The following DENND4C variants were observed in gnomAD, a reference collection of about 807,000 sequenced individuals.
DENND4C encodes the protein DENN domain containing 4C.
A neutral mutation model predicts 203.0 loss-of-function variants in DENND4C; 108 were observed. That is an observed-to-expected ratio of 0.53 (90% CI 0.46 to 0.62). The LOEUF (loss-of-function observed/expected upper bound fraction) is 0.62, where lower values mean the gene tolerates loss of function less well. Among genes scored for constraint, DENND4C ranks in the 20% least tolerant of loss-of-function variants. The pLI is 0.00. For synonymous variants in DENND4C, 871 were observed against 792.4 expected (o/e 1.10, Z -1.67); for missense variants, 2,481 against 2,301.2 (o/e 1.08, Z -1.60).
chr9:19,271,811 T>G (rs4977293), intron 1 of DENND4C, among the ~76,000 whole-genome samples: 124,597 of 150,464 alleles, frequency 0.83, 51,750 homozygotes, highest in East Asian at 0.99. Context: ...GAAGGTTGCG[T>G]TGAGTTGAGA....
At chr9:19,265,684 A>G (rs914536679) in intron 1 of DENND4C, among the ~76,000 whole-genome samples, 3 of 152,014 alleles carry the variant, frequency 2.0e-5, no homozygotes, top group Non-Finnish European at 4.4e-5. Flanking sequence ...ATTCCCACCT[A>G]TAAGTGAGAA....
chr9:19,234,684 T>A (rs1426180700), intron 1 of DENND4C, among the ~76,000 whole-genome samples: 2 of 152,000 alleles, frequency 1.3e-5, no homozygotes, highest in African/African-American at 4.8e-5. Context: ...CGCGTGCATG[T>A]GCGTGCATCA....
chr9:19,357,167 A>G lies in DENND4C; in HGVS notation c.4964+13A>G, dbSNP rs1371578446. 2 of 1,613,506 alleles carry G rather than the reference A, an allele frequency of 1.2e-6. No homozygotes were observed. Among genetic ancestry groups the G allele is most frequent in the South Asian group, 1.1e-5 (1 of 91,044 alleles). ...CAGTTGAACCAAGGTATCAAAGGGT[A>G]CAGAGACCTCTTTATGTAGTAATAA... is the stretch of plus-strand genomic sequence containing the variant. On this transcript the variant is annotated intron_variant, in intron 27 of 32. Transcript: ENST00000434457.
At chr9:19,330,396 G>A (rs2131762476) in intron 16 of DENND4C, among the ~76,000 whole-genome samples, 1 of 140,486 alleles carries the variant, frequency 7.1e-6, no homozygotes, top group South Asian at 2.3e-4. Flanking sequence ...CTGGAGTGCA[G>A]TGGCACGATT....
intron 10 of DENND4C, among the ~76,000 whole-genome samples, chr9:19,307,931 A>C (rs1840018339): frequency 6.6e-6 from 1 of 151,984 alleles, no homozygotes; most frequent in African/African-American, 2.4e-5. Context: ...GGAGTTTATC[A>C]CATACATGTA....
intron 7 of DENND4C, among the ~76,000 whole-genome samples, chr9:19,298,606 A>G (rs1837927163): frequency 6.6e-6 from 1 of 152,270 alleles, no homozygotes; most frequent in Admixed American, 6.5e-5. Flanking sequence ...TATCCTCTCT[A>G]TAATAATAGT....
intron 22 of DENND4C, among the ~76,000 whole-genome samples, chr9:19,345,202 A>G (rs1030151570): frequency 6.6e-6 from 1 of 152,250 alleles, no homozygotes; most frequent in African/African-American, 2.4e-5. Context: ...GGTAGCCAAG[A>G]GTAAAAGACT....
chr9:19,265,209 G>A (rs578039058), intron 1 of DENND4C, among the ~76,000 whole-genome samples: 21 of 151,878 alleles, frequency 1.4e-4, no homozygotes, highest in African/African-American at 4.6e-4. Flanking sequence ...TAGAGTTGAG[G>A]TTCTACCATG....
rs867236103 is a variant in DENND4C, at chr9:19,311,567, A to C, written c.1488-4850A>C. On this transcript the variant is annotated intron_variant, in intron 10 of 32. Transcript: ENST00000434457. ...TATTCTATGTGAAAGAGTTCCTAGAAATTGTCAAAAGACCAATAACTCTAT... is the reference window on the plus strand; with the variant it reads ...TATTCTATGTGAAAGAGTTCCTAGACATTGTCAAAAGACCAATAACTCTAT... Among the ~76,000 whole-genome samples the C allele has an allele frequency of 7.9e-5, 12 of 152,294 alleles. No homozygotes were observed. In the Middle Eastern group the frequency reaches 0.01, roughly 130 times the overall value.
At chr9:19,289,143 A>T (rs1343120456) in intron 4 of DENND4C, among the ~76,000 whole-genome samples, 3 of 152,142 alleles carry the variant, frequency 2.0e-5, no homozygotes, top group Non-Finnish European at 4.4e-5. Flanking sequence ...TATGGAGGAG[A>T]GGAGGGCCTG....
In DENND4C at chr9:19,358,104, C is replaced by G. The variant is rs377514381; in HGVS notation, c.5104C>G (p.Arg1702Gly). ...GPLQNIDFTQ[R>G]PFHGISTVSL... Reference sequence around the variant, plus strand: ...ATTGCAGAATATTGACTTTACCCAGCGACCGTTTCATGGCATCTCAACAGT... The same window carrying G: ...ATTGCAGAATATTGACTTTACCCAGGGACCGTTTCATGGCATCTCAACAGT... Residue 1702 changes from arginine (R) to glycine (G), a missense_variant, in exon 28 of 33, where the codon CGA becomes GGA. By Grantham distance (125) the Arg-to-Gly change is moderately radical. Coordinates refer to ENST00000434457, the MANE Select transcript of DENND4C (RefSeq NM_001330640.2). This position sits in a 1 kb window ranked among gnomAD's most constrained non-coding sequence, Gnocchi z 4.8. 1 of 1,613,860 alleles carries G rather than the reference C, an allele frequency of 6.2e-7. No individual in the cohort carries two copies. The highest frequency in any genetic ancestry group is 8.5e-7 in the Non-Finnish European group (1 of 1,179,812).
Position 19,290,813 on chromosome 9 carries a change from TG to T in DENND4C, c.739del (p.Glu247LysfsTer14). On this transcript the variant is annotated frameshift_variant, in exon 5 of 33. Coordinates refer to ENST00000434457, the MANE Select transcript of DENND4C (RefSeq NM_001330640.2). LOFTEE classifies it high-confidence loss of function. ...GAGCTACTATTGAGTGCTGGGATCCTGAAACCAAATATCCACTTCCAGTTTT... is the reference window on the plus strand; with the variant it reads ...GAGCTACTATTGAGTGCTGGGATCCTAAACCAAATATCCACTTCCAGTTTT... Reference protein sequence around the residue: ...MGATIECWDPETKYPLPVFST... With the variant: ...MGATIECWDPXTKYPLPVFST... 6.2e-7 allele frequency: 1 copy of T among 1,613,514 alleles called. No individual in the cohort carries two copies. Among genetic ancestry groups the T allele is most frequent in the Non-Finnish European group, 8.5e-7 (1 of 1,179,668 alleles).
rs1012284065 is a variant in DENND4C, at chr9:19,318,685, T to C, written c.1807+1846T>C. Among the ~76,000 whole-genome samples the C allele has an allele frequency of 3.9e-5, 6 of 152,218 alleles. No homozygotes were observed. In the East Asian group the frequency reaches 1.2e-3, roughly 29 times the overall value. ...TTCTGAAGCCTCTTCCCTTGGCTTG[T>C]AGATAGGTATTTTCTCCATGTGGTC... is the stretch of plus-strand genomic sequence containing the variant. On this transcript the variant is annotated intron_variant, in intron 12 of 32. Coordinates refer to ENST00000434457, the MANE Select transcript of DENND4C (RefSeq NM_001330640.2).
At chr9:19,352,037 C>G (rs756271501) in intron 24 of DENND4C, 36 bp from the exon 25 acceptor site, 17 of 1,560,882 alleles carry the variant, frequency 1.1e-5, no homozygotes, top group Admixed American at 3.4e-5. Flanking sequence ...AAGGACATTC[C>G]TTACTTAAGG....
At chr9:19,356,825 G>A (rs1294685605) in intron 26 of DENND4C, 147 bp from the exon 27 acceptor site, 1 of 680,042 alleles carries the variant, frequency 1.5e-6, no homozygotes, top group African/African-American at 1.8e-5. Context: ...GAGTGAGAGT[G>A]TATTGGAAAT....
At chr9:19,267,041 T>C (rs888094160) in intron 1 of DENND4C, among the ~76,000 whole-genome samples, 2 of 152,208 alleles carry the variant, frequency 1.3e-5, no homozygotes, top group Non-Finnish European at 2.9e-5. Context: ...GATGCTCTGT[T>C]CTTGAGGATG....
chr9:19,350,517 A>T (rs1823851365), intron 23 of DENND4C, among the ~76,000 whole-genome samples, 185 bp from the exon 24 acceptor site: 1 of 152,172 alleles, frequency 6.6e-6, no homozygotes, highest in Non-Finnish European at 1.5e-5. Context: ...ATTGTTGCTT[A>T]TGGCTTGAAT....
chr9:19,253,252 G>C (rs568116393), intron 1 of DENND4C, among the ~76,000 whole-genome samples: 6 of 152,266 alleles, frequency 3.9e-5, no homozygotes, highest in African/African-American at 1.4e-4. Context: ...AGTTCATTTG[G>C]CAACTATTGG....
At chr9:19,277,037 AC>A (rs1023429798) in intron 2 of DENND4C, among the ~76,000 whole-genome samples, 35 of 152,000 alleles carry the variant, frequency 2.3e-4, no homozygotes, top group Admixed American at 3.9e-4. Context: ...ACAAAGGTCC[AC>A]CCTTTCCCCA....
Sources: allele counts gnomAD v4.1 joint callset (sites outside exome capture counted in the v4.1 genomes callset), GRCh38; gene constraint gnomAD v4.1.1; non-coding constraint Gnocchi (gnomAD v3.1); transcripts MANE v1.5; gene names NCBI Gene and HGNC (gene_info 2026-07-23, HGNC 2026-07-21).